Variants in EPB41L5 observed in about 807,000 individuals in gnomAD.
EPB41L5 encodes the protein erythrocyte membrane protein band 4.1 like 5.
A neutral mutation model predicts 106.6 loss-of-function variants in EPB41L5; 55 were observed. That is an observed-to-expected ratio of 0.52 (90% CI 0.42 to 0.65). The LOEUF is 0.65. Ranked by LOEUF, EPB41L5 falls within the 30% of genes least tolerant of loss-of-function variation. The probability of loss-of-function intolerance (pLI) is 0.00; values close to 1 mark genes in which losing one functional copy is unlikely to be tolerated. For synonymous variants in EPB41L5, 297 were observed against 306.7 expected, an observed-to-expected ratio of 0.97 and a Z score of 0.33; for missense variants, 871 against 882.1, an observed-to-expected ratio of 0.99 and a Z score of 0.16.
At chr2:120,051,094 A>C (rs1006524517) in intron 3 of EPB41L5, among the ~76,000 whole-genome samples, 1 of 152,064 alleles carries the variant, frequency 6.6e-6, no homozygotes, top group African/African-American at 2.4e-5. Flanking sequence ...CAGTTAGGCT[A>C]CTCGGGGGTC....
At chr2:120,016,900 A>G (rs1236124565) in intron 1 of EPB41L5, among the ~76,000 whole-genome samples, 1 of 152,204 alleles carries the variant, frequency 6.6e-6, no homozygotes, top group Non-Finnish European at 1.5e-5. Flanking sequence ...AGAGACTGGG[A>G]CCAGGTATTA....
At chr2:120,014,940 G>A (rs1183432205) in intron 1 of EPB41L5, among the ~76,000 whole-genome samples, 2 of 147,744 alleles carry the variant, frequency 1.4e-5, no homozygotes, top group African/African-American at 5.0e-5. Context: ...GAGGGGAAAA[G>A]TGAGTATGAG....
rs972979528 is a variant in EPB41L5 at position 120,065,851 on chromosome 2, A to G, written c.286-7327A>G. ...TTGAAATAGTGTTCTATTTTTTAAA[A>G]AATTGTTTTCTTTTTATATCCCTGA... On this transcript the variant is annotated intron_variant, in intron 3 of 24. Coordinates refer to ENST00000263713, the MANE Select transcript of EPB41L5 (RefSeq NM_020909.4). Among the ~76,000 whole-genome samples the G allele has an allele frequency of 2.6e-5, 4 of 152,136 alleles. No homozygotes were observed. In the South Asian group the frequency reaches 8.3e-4, roughly 32 times the overall value.
chr2:120,031,173 C>T (rs1380590133), intron 2 of EPB41L5, among the ~76,000 whole-genome samples: 2 of 152,206 alleles, frequency 1.3e-5, no homozygotes, highest in African/African-American at 4.8e-5. Flanking sequence ...CCAGCCCCAG[C>T]CTCCAATTAT....
intron 7 of EPB41L5, among the ~76,000 whole-genome samples, chr2:120,076,503 G>A (rs535172580): frequency 5.8e-4 from 67 of 115,572 alleles, no homozygotes; most frequent in African/African-American, 2.1e-3. Flanking sequence ...TTTTAGAGAC[G>A]AGGTCTTGCT....
At chr2:120,139,958 A>G (rs528954988) in intron 18 of EPB41L5, among the ~76,000 whole-genome samples, 1 of 152,268 alleles carries the variant, frequency 6.6e-6, no homozygotes, top group African/African-American at 2.4e-5. Context: ...AATCTGGTAC[A>G]TATACACAAT....
intron 16 of EPB41L5, among the ~76,000 whole-genome samples, chr2:120,110,932 G>A (rs755457776): frequency 3.3e-5 from 5 of 152,024 alleles, no homozygotes; most frequent in Admixed American, 6.6e-5. Context: ...GTGAGCCACC[G>A]CTCCTGGCCC....
At chr2:120,158,381 TC>T (rs1288318879) in intron 20 of EPB41L5, among the ~76,000 whole-genome samples, 1 of 152,026 alleles carries the variant, frequency 6.6e-6, no homozygotes, top group African/African-American at 2.4e-5. Context: ...CAGCAGCACA[TC>T]AGTCCACCAC....
intron 20 of EPB41L5, among the ~76,000 whole-genome samples, chr2:120,159,447 ACAAT>A (rs201381396): frequency 0.044 from 6,646 of 150,746 alleles, 211 homozygotes; most frequent in Non-Finnish European, 0.07. Flanking sequence ...AAAAAAAGTG[ACAAT>A]CAATATCATT....
chr2:120,037,648 C>T (rs922523164), intron 2 of EPB41L5, among the ~76,000 whole-genome samples: 1 of 151,652 alleles, frequency 6.6e-6, no homozygotes, highest in Non-Finnish European at 1.5e-5. Flanking sequence ...CAGACCCCAT[C>T]TCTACAAAAG....
At chr2:120,165,917 G>A (rs183858541) in intron 22 of EPB41L5, among the ~76,000 whole-genome samples, 7 of 132,234 alleles carry the variant, frequency 5.3e-5, no homozygotes, top group Admixed American at 3.6e-4. Flanking sequence ...GCAGTGAGCC[G>A]AGATAGCACC....
chr2:120,109,560 C>T (rs1479251427), intron 16 of EPB41L5, among the ~76,000 whole-genome samples: 1 of 152,186 alleles, frequency 6.6e-6, no homozygotes, highest in African/African-American at 2.4e-5. Flanking sequence ...TACTCTAAGG[C>T]CCAGGTCCTC....
intron 10 of EPB41L5, among the ~76,000 whole-genome samples, chr2:120,080,693 A>G (rs1361649476): frequency 6.6e-6 from 1 of 152,222 alleles, no homozygotes; most frequent in Non-Finnish European, 1.5e-5. Context: ...ACTGTCTTCC[A>G]TAATGGTTGC....
chr2:120,137,279 A>G (rs1208474693), intron 18 of EPB41L5, among the ~76,000 whole-genome samples: 8 of 152,088 alleles, frequency 5.3e-5, no homozygotes, highest in Admixed American at 4.6e-4. Context: ...AATTTCAGAT[A>G]AACAGCCTAA....
chr2:120,051,888 G>T (rs537954635), intron 3 of EPB41L5, among the ~76,000 whole-genome samples: 1 of 152,046 alleles, frequency 6.6e-6, no homozygotes, highest in South Asian at 2.1e-4. Context: ...GTGCAGTGAC[G>T]TGGTCTTGGC....
intron 11 of EPB41L5, among the ~76,000 whole-genome samples, chr2:120,087,819 G>A (rs1558863517): frequency 7.2e-6 from 1 of 139,104 alleles, no homozygotes; most frequent in South Asian, 2.5e-4. Flanking sequence ...TGATCAAAAA[G>A]ATCTACCTAA....
rs914507089 is a variant in EPB41L5, at chr2:120,082,925, G to C, written c.804-4246G>C. 3.9e-5 allele frequency among the ~76,000 whole-genome samples: 6 copies of C among 152,222 alleles called. No homozygotes were observed. The East Asian group carries it at 1.2e-3, about 29-fold the overall frequency. Reference sequence around the variant, plus strand: ...TTATTGTATTCTCTGATGGTAGTTTGTATTTCTGTGGGATCGGTGGTAATA... The same window carrying C: ...TTATTGTATTCTCTGATGGTAGTTTCTATTTCTGTGGGATCGGTGGTAATA... On this transcript the variant is annotated intron_variant, in intron 10 of 24. Coordinates refer to ENST00000263713, the MANE Select transcript of EPB41L5 (RefSeq NM_020909.4).
At chr2:120,088,238 A>C (rs1683194987) in intron 11 of EPB41L5, among the ~76,000 whole-genome samples, 1 of 152,168 alleles carries the variant, frequency 6.6e-6, no homozygotes, top group Admixed American at 6.6e-5. Context: ...TAAACACACA[A>C]TGGGATACTA....
At chr2:120,159,000 A>C (rs1376025341) in intron 20 of EPB41L5, among the ~76,000 whole-genome samples, 2 of 152,172 alleles carry the variant, frequency 1.3e-5, no homozygotes, top group Non-Finnish European at 2.9e-5. Flanking sequence ...TTGCCATAAA[A>C]AGAATAAAAT....
Sources: gnomAD v4.1 joint callset for allele counts (sites outside exome capture counted in the v4.1 genomes callset) on GRCh38, gnomAD v4.1.1 for gene constraint, MANE v1.5 for transcripts, NCBI Gene and HGNC (gene_info 2026-07-23, HGNC 2026-07-21) for gene names.